The following STAB2 variants were observed in gnomAD, a reference collection of about 807,000 sequenced individuals.
The protein encoded by STAB2 is stabilin 2.
STAB2 carries 288 observed loss-of-function variants against 338.1 expected under a neutral mutation model. The ratio of observed to expected loss-of-function variants is 0.85; its 90% confidence interval spans 0.77 to 0.94. The LOEUF is 0.94. Ranked by LOEUF, STAB2 falls within the 40% of genes least tolerant of loss-of-function variation. STAB2 has a pLI of 0.00. For synonymous variants in STAB2, 1,202 were observed against 1,193.3 expected (o/e 1.01, Z -0.15); for missense variants, 3,141 against 3,210.1 (o/e 0.98, Z 0.52).
intron 26 of STAB2, 24 bp downstream of exon 26, chr12:103,683,324 C>T (rs1262411303): frequency 4.4e-6 from 5 of 1,139,130 alleles, no homozygotes; most frequent in Non-Finnish European, 3.8e-6. Flanking sequence ...CCTTGTTTTT[C>T]ATTACTTAAA....
chr12:103,707,222 C>T (rs1358567319), intron 38 of STAB2, among the ~76,000 whole-genome samples: 1 of 152,256 alleles, frequency 6.6e-6, no homozygotes, highest in East Asian at 1.9e-4. Flanking sequence ...TTCCAATTTG[C>T]TCATTGACAT....
chr12:103,588,822 AG>A lies in STAB2; in HGVS notation c.81+1267del, dbSNP rs1291969930. Reference sequence around the variant, plus strand: ...AATGTGAAGGTGTCCTGACAATTAAAGGAGGTTAATTCAAACTCTATCTAAG... The same window carrying A: ...AATGTGAAGGTGTCCTGACAATTAAAGAGGTTAATTCAAACTCTATCTAAG... On this transcript the variant is annotated intron_variant, in intron 1 of 68. Transcript: ENST00000388887. 7.2e-5 allele frequency among the ~76,000 whole-genome samples: 11 copies of A among 152,354 alleles called. No individual in the cohort carries two copies. The East Asian group carries it at 2.1e-3, about 29-fold the overall frequency.
At chr12:103,696,287 G>A (rs1229332822) in intron 33 of STAB2, among the ~76,000 whole-genome samples, 3 of 152,028 alleles carry the variant, frequency 2.0e-5, no homozygotes, top group Admixed American at 1.3e-4. Flanking sequence ...GTGGCTTCTC[G>A]GGGCTTTCAG....
In STAB2 at chr12:103,731,843, A is replaced by C. The variant is rs370864687; in HGVS notation, c.5283+208A>C. On this transcript the variant is annotated intron_variant, in intron 50 of 68. Transcript: ENST00000388887. ...TGGCTTGTTGAGCTATATAATGTACATTGGCTGAGTTAGAAATTGAGGATT... is the reference window on the plus strand; with the variant it reads ...TGGCTTGTTGAGCTATATAATGTACCTTGGCTGAGTTAGAAATTGAGGATT... Among the ~76,000 whole-genome samples, 32 of 152,296 alleles carry C rather than the reference A, an allele frequency of 2.1e-4. No homozygotes were observed. In the East Asian group the frequency reaches 6.0e-3, roughly 28 times the overall value.
chr12:103,700,924 C>T (rs1037468186), intron 34 of STAB2, among the ~76,000 whole-genome samples: 1 of 151,176 alleles, frequency 6.6e-6, no homozygotes, highest in Non-Finnish European at 1.5e-5. Context: ...TATACATGTG[C>T]CATGCTGGTG....
At chr12:103,731,235 T>C (rs1333328952) in intron 49 of STAB2, among the ~76,000 whole-genome samples, 1 of 152,160 alleles carries the variant, frequency 6.6e-6, no homozygotes, top group African/African-American at 2.4e-5. Context: ...GATGTCCCCA[T>C]TGTGCTTGCC....
intron 55 of STAB2, among the ~76,000 whole-genome samples, chr12:103,741,033 C>T (rs1024262145): frequency 1.3e-5 from 2 of 151,992 alleles, no homozygotes; most frequent in African/African-American, 4.8e-5. Context: ...CTAAATACAC[C>T]GTATTTCATT....
chr12:103,663,729 G>A (rs903377197), intron 18 of STAB2, among the ~76,000 whole-genome samples: 1 of 152,134 alleles, frequency 6.6e-6, no homozygotes, highest in East Asian at 1.9e-4. Flanking sequence ...TTAGCTTAAC[G>A]AATTACATCT....
At chr12:103,654,817 G>T in intron 13 of STAB2, 119 bp downstream of exon 13, 1 of 1,258,588 alleles carries the variant, frequency 7.9e-7, no homozygotes, top group Non-Finnish European at 1.1e-6. Flanking sequence ...AGGATCCCGA[G>T]CAGAGAGAAG....
chr12:103,639,885 G>A (rs960431777), intron 8 of STAB2, among the ~76,000 whole-genome samples: 8 of 152,078 alleles, frequency 5.3e-5, no homozygotes, highest in Admixed American at 4.6e-4. Context: ...TCAAGGGTTA[G>A]GAAACAAGAA....
chr12:103,587,387 A>G lies in STAB2; in HGVS notation c.-90A>G, dbSNP rs552051737. On this transcript the variant is annotated 5_prime_UTR_variant, in exon 1 of 69. Coordinates refer to ENST00000388887, the MANE Select transcript of STAB2 (RefSeq NM_017564.10). ...TTTAAAAGTAAACAGTGAAATGAGA[A>G]AGAATTCACTGGGAGTTTATCAAAC... 34 of 1,044,838 alleles carry G rather than the reference A, an allele frequency of 3.3e-5. No homozygotes were observed. Among genetic ancestry groups the G allele is most frequent in the Non-Finnish European group, 4.7e-5 (33 of 696,714 alleles). The allele number at this position is 1,044,838 out of a possible 1,614,324, so 64.7% of individuals were successfully genotyped here.
chr12:103,735,588 T>C lies in STAB2; in HGVS notation c.5550+8T>C. ...GGAGCTGGCAGGGACATCGTGAGTA[T>C]CATCATGAAGGGTGGGCAGGGAGGG... On this transcript the variant is annotated splice_region_variant and intron_variant, in intron 52 of 68. Coordinates refer to ENST00000388887, the MANE Select transcript of STAB2 (RefSeq NM_017564.10). 1 of 715,836 alleles carries C rather than the reference T, an allele frequency of 1.4e-6. No individual in the cohort carries two copies. Among genetic ancestry groups the C allele is most frequent in the Non-Finnish European group, 2.3e-6 (1 of 430,790 alleles). The allele number at this position is 715,836 out of a possible 1,614,324, so 44.3% of individuals were successfully genotyped here.
Position 103,663,409 on chromosome 12 carries a change from C to A in STAB2, c.2022+411C>A, listed in dbSNP as rs1052785336. On this transcript the variant is annotated intron_variant, in intron 18 of 68. Coordinates refer to ENST00000388887, the MANE Select transcript of STAB2 (RefSeq NM_017564.10). ...CTTGCCTCCTTCTGGATTCTGGGGG[C>A]TCCAACAATTCTTGGCATTCCGTGG... 7.0e-5 allele frequency among the ~76,000 whole-genome samples: 5 copies of A among 71,780 alleles called. No individual in the cohort carries two copies. The East Asian group carries it at 0.14, about 1,994-fold the overall frequency. 47.1% of individuals were successfully genotyped at this position (71,780 alleles called of 152,430 possible). A position where few individuals can be genotyped will look rare whatever the true frequency, so the allele number is the denominator to read the frequency against.
At position 103,594,423 on chromosome 12, in the gene STAB2, C is replaced by T. The variant is rs760013563; in HGVS notation, c.244C>T (p.Leu82=). ...CACCTTTGAGGTCAGAACATACTCT[C>T]TGTCTCTCCCCGGATGCCGCCATAT... The part of the protein sequence containing the change: ...RYTFEVRTYS[L]SLPGCRHICR... The change falls in exon 3 of 69, where the codon CTG becomes TTG. Residue 82 remains leucine, a synonymous_variant. Transcript: ENST00000388887. The T allele has an allele frequency of 2.5e-6, 4 of 1,613,930 alleles. No individual in the cohort carries two copies. The highest frequency in any genetic ancestry group is 3.4e-6 in the Non-Finnish European group (4 of 1,179,846).
chr12:103,590,117 G>A (rs1956773645), intron 1 of STAB2, among the ~76,000 whole-genome samples: 1 of 152,104 alleles, frequency 6.6e-6, no homozygotes, highest in Non-Finnish European at 1.5e-5. Flanking sequence ...ATCAGCCTCG[G>A]CATTATGAGC....
chr12:103,673,759 A>C (rs1876057261), intron 22 of STAB2, 148 bp from the exon 23 acceptor site: 1 of 835,828 alleles, frequency 1.2e-6, no homozygotes, highest in African/African-American at 1.7e-5. Flanking sequence ...ATAGCAGCCT[A>C]AGTCTTCTCC....
At chr12:103,745,114 G>A in intron 56 of STAB2, 59 bp from the exon 57 acceptor site, 2 of 1,468,280 alleles carry the variant, frequency 1.4e-6, no homozygotes, top group Non-Finnish European at 9.3e-7. Context: ...AAGGGGTCAG[G>A]GAGCTGGTTG....
intron 21 of STAB2, 86 bp from the exon 22 acceptor site, chr12:103,670,610 C>A (rs1195659994): frequency 1.9e-6 from 2 of 1,044,868 alleles, no homozygotes; most frequent in Non-Finnish European, 2.9e-6. Context: ...GGGATTTAAT[C>A]TGAATTCAAA....
Position 103,706,831 on chromosome 12 carries a change from C to T in STAB2, c.4036C>T (p.Gln1346Ter). ...CCAGFFGPQC[Q>*]PCPGNAQNVC... is the part of the protein sequence containing the mutation. ...TGCCGGCTTCTTTGGCCCCCAATGC[C>T]AGCCCTGCCCAGGGAATGCCCAGAA... Residue 1346 changes from glutamine (Q) to a stop codon, truncating the protein, a stop_gained, in exon 38 of 69, where the codon CAG becomes TAG. Coordinates refer to ENST00000388887, the MANE Select transcript of STAB2 (RefSeq NM_017564.10). LOFTEE classifies it high-confidence loss of function. The T allele has an allele frequency of 1.2e-6, 2 of 1,614,230 alleles. No homozygotes were observed. Among genetic ancestry groups the T allele is most frequent in the Non-Finnish European group, 1.7e-6 (2 of 1,180,038 alleles).
Sources: gnomAD v4.1 joint callset for allele counts (sites outside exome capture counted in the v4.1 genomes callset) on GRCh38, gnomAD v4.1.1 for gene constraint, MANE v1.5 for transcripts, NCBI Gene and HGNC (gene_info 2026-07-23, HGNC 2026-07-21) for gene names.